LDB3: variants seen among roughly 807,000 people sequenced by gnomAD.
LDB3 encodes LIM domain binding 3.
In LDB3, 49 loss-of-function variants were observed where a neutral mutation model predicts 69.0. That is an observed-to-expected ratio of 0.71 (90% CI 0.56 to 0.90). The LOEUF (loss-of-function observed/expected upper bound fraction) is 0.90, where lower values mean the gene tolerates loss of function less well. Among genes scored for constraint, LDB3 ranks in the 40% least tolerant of loss-of-function variants. The probability of loss-of-function intolerance (pLI) is 0.00; values close to 1 mark genes in which losing one functional copy is unlikely to be tolerated. For synonymous variants in LDB3, 387 were observed against 396.2 expected (o/e 0.98, Z 0.28); for missense variants, 928 against 974.1 (o/e 0.95, Z 0.63).
intron 13 of LDB3, among the ~76,000 whole-genome samples, chr10:86,728,581 C>CTTTTGTTTTTTTTTT (rs1847342768): frequency 2.1e-5 from 2 of 97,524 alleles, no homozygotes; most frequent in South Asian, 6.9e-4. Context: ...GAACATGGTT[C>CTTTTGTTTTTTTTTT]TTTTGTTTTT....
intron 5 of LDB3, among the ~76,000 whole-genome samples, chr10:86,687,925 C>T (rs1213419624): frequency 6.6e-6 from 1 of 152,132 alleles, no homozygotes; most frequent in Non-Finnish European, 1.5e-5. Context: ...ATGAAAAATG[C>T]TAGCAATGCA....
At chr10:86,681,035 C>G (rs967770062) in intron 4 of LDB3, among the ~76,000 whole-genome samples, 9 of 152,272 alleles carry the variant, frequency 5.9e-5, no homozygotes, top group African/African-American at 2.2e-4. Flanking sequence ...AGCCCAGGAA[C>G]TTCATCTCAC....
intron 5 of LDB3, among the ~76,000 whole-genome samples, chr10:86,684,479 A>G (rs559393894): frequency 6.6e-6 from 1 of 152,372 alleles, no homozygotes; most frequent in East Asian, 1.9e-4. Flanking sequence ...TGCAGCTGTC[A>G]GCACTGGCCA....
chr10:86,722,738 T>A (rs900148904), intron 12 of LDB3, among the ~76,000 whole-genome samples: 5 of 151,228 alleles, frequency 3.3e-5, no homozygotes, highest in Non-Finnish European at 7.4e-5. Flanking sequence ...GGCTAATTTT[T>A]ATATTATTAG....
At chr10:86,674,123 T>A (rs1844640814) in intron 2 of LDB3, among the ~76,000 whole-genome samples, 1 of 152,170 alleles carries the variant, frequency 6.6e-6, no homozygotes, top group Non-Finnish European at 1.5e-5. Flanking sequence ...CCCGGGGATG[T>A]AGCCAGCCAG....
intron 7 of LDB3, among the ~76,000 whole-genome samples, chr10:86,700,625 G>C (rs1418330025): frequency 1.3e-5 from 2 of 152,160 alleles, no homozygotes. Flanking sequence ...TTCCACCTGG[G>C]TCTTGCTCCC....
chr10:86,716,589 G>GA lies in LDB3; in HGVS notation c.1496dup (p.Phe500ValfsTer41). 6.2e-7 allele frequency: 1 copy of GA among 1,613,772 alleles called. No individual in the cohort carries two copies. Among genetic ancestry groups the GA allele is most frequent in the Non-Finnish European group, 8.5e-7 (1 of 1,179,958 alleles). On this transcript the variant is annotated frameshift_variant, in exon 10 of 14. Coordinates refer to ENST00000361373, the MANE Select transcript of LDB3 (RefSeq NM_007078.3). LOFTEE classifies it high-confidence loss of function. ...GGGTGACAGATGATAGCTTCTCCCA[G>GA]AAGTTTGCCCCGGGCAAGAGCACCA...
At chr10:86,681,371 G>T (rs1373955649) in intron 4 of LDB3, 65 bp from the exon 5 acceptor site, 5 of 1,593,784 alleles carry the variant, frequency 3.1e-6, no homozygotes, top group South Asian at 2.2e-5. Flanking sequence ...ACGCAGGAGC[G>T]CTGGGACGCG....
chr10:86,683,686 C>T (rs1012708370), intron 5 of LDB3, among the ~76,000 whole-genome samples: 18 of 152,228 alleles, frequency 1.2e-4, no homozygotes, highest in Admixed American at 6.5e-5. Context: ...AAAGCTGATG[C>T]TGCTGTCTCA....
At chr10:86,732,449 T>C (rs1368843274) in intron 13 of LDB3, 1 of 453,506 alleles carries the variant, frequency 2.2e-6, no homozygotes, top group Non-Finnish European at 4.4e-6. Context: ...GAATTCATAG[T>C]GGGAGAAATA....
chr10:86,693,036 C>T (rs1589645976), intron 7 of LDB3, among the ~76,000 whole-genome samples: 1 of 152,280 alleles, frequency 6.6e-6, no homozygotes, highest in South Asian at 2.1e-4. Flanking sequence ...TGTCCAGACC[C>T]ACATTGAGGT....
rs1846143137 is a variant in LDB3 at position 86,699,211 on chromosome 10, TTC to T, written c.896+6648_896+6649del. On this transcript the variant is annotated intron_variant, in intron 7 of 13. Coordinates refer to ENST00000361373, the MANE Select transcript of LDB3 (RefSeq NM_007078.3). This position sits in a 1 kb window ranked among gnomAD's most constrained non-coding sequence, Gnocchi z 4.9. ...CCTAACCCCTTTCATTCTCCCTCTC[TTC>T]TCTCTCTTTCTGTCTCTGTCTCTGT... The T allele has an allele frequency of 2.6e-6, 4 of 1,567,628 alleles. No individual in the cohort carries two copies. In the South Asian group the frequency reaches 3.3e-5, roughly 13 times the overall value.
rs1237243980 is a variant in LDB3 at position 86,681,776 on chromosome 10, A to G, written c.662A>G (p.Lys221Arg). 8 of 1,598,718 alleles carry G rather than the reference A, an allele frequency of 5.0e-6. No individual in the cohort carries two copies. Among genetic ancestry groups the G allele is most frequent in the East Asian group, 4.5e-5 (2 of 44,648 alleles). ...AQMYQMSLRGKASGVGLPGGS... is the reference protein window; with the variant it reads ...AQMYQMSLRGRASGVGLPGGS... ...ATGTACCAGATGAGCCTCCGAGGGA[A>G]GGCCTCGGGTGTCGGACTCCCAGGA... The change falls in exon 5 of 14, where the codon AAG becomes AGG. Residue 221 changes from lysine to arginine, a missense_variant. Physicochemically the swap from Lys to Arg is conservative, Grantham distance 26. Transcript: ENST00000361373.
intron 2 of LDB3, among the ~76,000 whole-genome samples, chr10:86,676,613 C>A (rs10887645): frequency 6.0e-5 from 9 of 149,578 alleles, no homozygotes; most frequent in African/African-American, 7.4e-5. Flanking sequence ...GCACCACAGC[C>A]CCTAGGGCTG....
Position 86,726,249 on chromosome 10 carries a change from C to T in LDB3, c.2091C>T (p.Cys697=), listed in dbSNP as rs571356142. The change falls in exon 13 of 14, where the codon TGC becomes TGT. Residue 697 remains cysteine, a synonymous_variant. Coordinates refer to ENST00000361373, the MANE Select transcript of LDB3 (RefSeq NM_007078.3). The stretch of plus-strand genomic sequence containing the variant: ...CTTGGCACGACACCTGCTTCATTTG[C>T]GCAGTATGTCTCTAGCTTGGGGCTC... The part of the protein sequence containing the change: ...GHTWHDTCFI[C]AVCHVNLEGQ... The T allele has an allele frequency of 9.9e-5, 159 of 1,612,932 alleles. 1 individual carries two copies. The Middle Eastern group carries it at 1.7e-3, about 17-fold the overall frequency.
At chr10:86,702,941 G>T (rs141582115) in intron 7 of LDB3, among the ~76,000 whole-genome samples, 1,790 of 152,234 alleles carry the variant, frequency 0.012, 23 homozygotes, top group Middle Eastern at 0.02. Context: ...ACCTGGTGGT[G>T]ATCATCGTCC....
chr10:86,692,634 C>G (rs1845821139), intron 7 of LDB3, 63 bp downstream of exon 7: 16 of 1,458,618 alleles, frequency 1.1e-5, no homozygotes, highest in Non-Finnish European at 1.3e-5. Context: ...CCGGGCAGCC[C>G]CCAGGTCACA....
At chr10:86,680,273 C>T in intron 4 of LDB3, 116 bp downstream of exon 4, 1 of 897,618 alleles carries the variant, frequency 1.1e-6, no homozygotes, top group Admixed American at 2.0e-5. Flanking sequence ...GGGATCAGCC[C>T]TGCCCCATCC....
rs551265097 is a variant in LDB3 at position 86,724,960 on chromosome 10, C to A, written c.1979-1177C>A. 7.2e-5 allele frequency among the ~76,000 whole-genome samples: 11 copies of A among 152,284 alleles called. 1 individual carries two copies. Among genetic ancestry groups the A allele is most frequent in the African/African-American group, 1.9e-4 (8 of 41,558 alleles). On this transcript the variant is annotated intron_variant, in intron 12 of 13. Transcript: ENST00000361373. Reference sequence around the variant, plus strand: ...TTCTTAATAGAGTTGGGATTTGAACCCAGCTCTTCCTTTATTCAGAGTCCA... The same window carrying A: ...TTCTTAATAGAGTTGGGATTTGAACACAGCTCTTCCTTTATTCAGAGTCCA...
Sources: gnomAD v4.1 joint callset for allele counts (sites outside exome capture counted in the v4.1 genomes callset) on GRCh38, gnomAD v4.1.1 for gene constraint, Gnocchi (gnomAD v3.1) non-coding constraint, MANE v1.5 for transcripts, NCBI Gene and HGNC (gene_info 2026-07-23, HGNC 2026-07-21) for gene names.